Variants in WWTR1 observed in about 807,000 individuals in gnomAD.
WWTR1 encodes the protein WW domain-containing transcription regulator protein 1.
WWTR1 carries 13 observed loss-of-function variants against 40.1 expected under a neutral mutation model. That is an observed-to-expected ratio of 0.32 (90% CI 0.21 to 0.52). The LOEUF is 0.52. Among genes scored for constraint, WWTR1 ranks in the 20% least tolerant of loss-of-function variants. The pLI, the probability that WWTR1 is intolerant of heterozygous loss-of-function variation, is 0.97. For missense variants in WWTR1, 436 were observed against 523.1 expected (o/e 0.83, Z 1.63); for synonymous variants, 230 against 210.1 (o/e 1.09, Z -0.82).
intron 2 of WWTR1, among the ~76,000 whole-genome samples, chr3:149,641,687 C>G (rs1339546413): frequency 6.6e-6 from 1 of 152,232 alleles, no homozygotes; most frequent in Admixed American, 6.5e-5. Flanking sequence ...CCTTTAAAAT[C>G]ATTTCTTTAA....
chr3:149,614,798 C>T (rs1739889534), intron 2 of WWTR1, among the ~76,000 whole-genome samples: 1 of 152,126 alleles, frequency 6.6e-6, no homozygotes, highest in African/African-American at 2.4e-5. Flanking sequence ...GCCTGGCCAA[C>T]ATGGTGAAAC....
intron 1 of WWTR1, chr3:149,702,064 A>C (rs1331920897): frequency 1.5e-5 from 2 of 134,824 alleles, no homozygotes; most frequent in Non-Finnish European, 3.1e-5. Flanking sequence ...CAGATGTAAC[A>C]AAAAAAAAAA....
intron 4 of WWTR1, among the ~76,000 whole-genome samples, chr3:149,529,911 T>C (rs1434036734): frequency 1.3e-5 from 2 of 152,230 alleles, no homozygotes; most frequent in Non-Finnish European, 2.9e-5. Context: ...TCCAAAAACA[T>C]GAACTTTACT....
chr3:149,529,511 C>T (rs1183039477), intron 4 of WWTR1, among the ~76,000 whole-genome samples: 2 of 152,140 alleles, frequency 1.3e-5, no homozygotes. Flanking sequence ...TAATCAAATA[C>T]TTAACTAACA....
chr3:149,687,185 C>T (rs1425359890), intron 1 of WWTR1, among the ~76,000 whole-genome samples: 1 of 152,162 alleles, frequency 6.6e-6, no homozygotes, highest in African/African-American at 2.4e-5. Context: ...AGCTTACCTA[C>T]TTCAACTGCA....
intron 4 of WWTR1, among the ~76,000 whole-genome samples, chr3:149,541,573 G>A (rs1309821904): frequency 3.3e-5 from 5 of 151,632 alleles, no homozygotes; most frequent in Admixed American, 1.3e-4. Context: ...TTTCTTCTGA[G>A]GAACATCCAC....
intron 2 of WWTR1, among the ~76,000 whole-genome samples, chr3:149,638,092 T>C (rs1305251125): frequency 6.6e-6 from 1 of 152,136 alleles, no homozygotes; most frequent in Non-Finnish European, 1.5e-5. Context: ...GCTGTATGCC[T>C]GTAATCACAG....
At chr3:149,663,422 G>T (rs371255106) in intron 2 of WWTR1, among the ~76,000 whole-genome samples, 4 of 152,032 alleles carry the variant, frequency 2.6e-5, no homozygotes, top group Admixed American at 6.5e-5. Flanking sequence ...GAGGTCAGGC[G>T]CAGTGGCTCA....
At chr3:149,602,509 T>C (rs142287353) in intron 2 of WWTR1, among the ~76,000 whole-genome samples, 19 of 152,336 alleles carry the variant, frequency 1.2e-4, no homozygotes, top group Middle Eastern at 3.4e-3. Context: ...TCTCACAGAC[T>C]GAAAGGTAGA....
At chr3:149,683,307 T>C (rs1055847286) in intron 1 of WWTR1, among the ~76,000 whole-genome samples, 2 of 152,192 alleles carry the variant, frequency 1.3e-5, no homozygotes, top group African/African-American at 2.4e-5. Context: ...ATTAGTGAGA[T>C]TGTTAGTTTT....
intron 1 of WWTR1, chr3:149,670,622 C>CG (rs1159731913): frequency 7.6e-6 from 1 of 132,186 alleles, no homozygotes; most frequent in African/African-American, 2.9e-5. Flanking sequence ...CCAGCCTGGG[C>CG]GACAGAGCGA....
chr3:149,554,277 A>C (rs1285450359), intron 3 of WWTR1, among the ~76,000 whole-genome samples: 1 of 152,176 alleles, frequency 6.6e-6, no homozygotes, highest in Non-Finnish European at 1.5e-5. Context: ...CACTGTTTCA[A>C]GCCTTAAAAC....
At chr3:149,678,957 G>T (rs4681544) in intron 1 of WWTR1, among the ~76,000 whole-genome samples, 55,924 of 151,362 alleles carry the variant, frequency 0.37, 10,696 homozygotes, top group Middle Eastern at 0.55. Flanking sequence ...TGCCTCCCTA[G>T]TATCTGGGAT....
chr3:149,647,042 G>GA (rs557308909), intron 2 of WWTR1, among the ~76,000 whole-genome samples: 9 of 150,272 alleles, frequency 6.0e-5, no homozygotes, highest in African/African-American at 1.5e-4. Flanking sequence ...TATACTAAGT[G>GA]AAAAAAAAAG....
chr3:149,656,537 A>G (rs1490297582), intron 2 of WWTR1, among the ~76,000 whole-genome samples: 4 of 152,092 alleles, frequency 2.6e-5, no homozygotes, highest in Non-Finnish European at 4.4e-5. Flanking sequence ...GGACTATCTG[A>G]CTTAGAGTGG....
chr3:149,709,057 C>T (rs1576648804), intron 5 of WWTR1, among the ~76,000 whole-genome samples: 1 of 152,172 alleles, frequency 6.6e-6, no homozygotes, highest in East Asian at 1.9e-4. Context: ...CCCACTGCAA[C>T]CTCTGCCTCC....
chr3:149,663,183 C>G (rs1489456923), intron 2 of WWTR1, among the ~76,000 whole-genome samples: 1 of 151,990 alleles, frequency 6.6e-6, no homozygotes, highest in African/African-American at 2.4e-5. Context: ...CAGGTGCCCG[C>G]CATCACGCCA....
intron 2 of WWTR1, among the ~76,000 whole-genome samples, chr3:149,574,688 T>G (rs1445926590): frequency 6.6e-6 from 1 of 152,084 alleles, no homozygotes; most frequent in Non-Finnish European, 1.5e-5. Context: ...AAAATTGTTA[T>G]TCAGATTTCT....
At chr3:149,656,759 T>C (rs1409231856) in intron 2 of WWTR1, 117 bp downstream of exon 2, 4 of 643,822 alleles carry the variant, frequency 6.2e-6, no homozygotes, top group Non-Finnish European at 8.2e-6. Flanking sequence ...GCACCATCTC[T>C]CTCTTTCTCT....
Sources: gnomAD v4.1 joint callset for allele counts (sites outside exome capture counted in the v4.1 genomes callset) on GRCh38, gnomAD v4.1.1 for gene constraint, MANE v1.5 for transcripts, NCBI Gene and HGNC (gene_info 2026-07-23, HGNC 2026-07-21) for gene names.